Variants in SCARA3 observed in about 807,000 individuals in gnomAD.
SCARA3 encodes the protein cellular stress response gene protein.
A neutral mutation model predicts 47.0 loss-of-function variants in SCARA3; 39 were observed. That is an observed-to-expected ratio of 0.83 (90% CI 0.64 to 1.08). The LOEUF (loss-of-function observed/expected upper bound fraction) is 1.08. Among genes scored for constraint, SCARA3 ranks in the 50% least tolerant of loss-of-function variants. SCARA3 has a pLI of 0.00. For synonymous variants in SCARA3, 356 were observed against 334.1 expected (o/e 1.07, Z -0.71); for missense variants, 724 against 792.3 (o/e 0.91, Z 1.04).
chr8:27,727,758 T>C, the SCARA3 span, among the ~76,000 whole-genome samples: 1 of 152,210 alleles, frequency 6.6e-6, no homozygotes, highest in African/African-American at 2.4e-5. Flanking sequence ...TGTAATGTTA[T>C]GTTACCGGGT....
the SCARA3 span, among the ~76,000 whole-genome samples, chr8:27,684,936 AAAG>A: frequency 2.0e-5 from 3 of 152,148 alleles, no homozygotes; most frequent in African/African-American, 4.8e-5. Context: ...AAAAAAGTTT[AAAG>A]AAGTGTACCA....
At chr8:27,642,419 C>T (rs1801401925) in intron 1 of SCARA3, among the ~76,000 whole-genome samples, 1 of 152,144 alleles carries the variant, frequency 6.6e-6, no homozygotes, top group South Asian at 2.1e-4. Flanking sequence ...CGGACGATCT[C>T]CCCACCATTT....
chr8:27,694,004 G>C, the SCARA3 span, among the ~76,000 whole-genome samples: 1 of 152,194 alleles, frequency 6.6e-6, no homozygotes, highest in Admixed American at 6.5e-5. Flanking sequence ...TTGGGCACAA[G>C]TCATCAGGAC....
intron 5 of SCARA3, among the ~76,000 whole-genome samples, chr8:27,664,783 A>G (rs1001271333): frequency 6.6e-6 from 1 of 152,042 alleles, no homozygotes; most frequent in African/African-American, 2.4e-5. Context: ...TCATGTGTGG[A>G]GTTCCATGAC....
At chr8:27,698,414 T>C in the SCARA3 span, among the ~76,000 whole-genome samples, 1 of 152,218 alleles carries the variant, frequency 6.6e-6, no homozygotes, top group Admixed American at 6.5e-5. Context: ...GGATAGCTAA[T>C]TGCAAATTTA....
At chr8:27,662,071 GT>G (rs1801924499) in intron 5 of SCARA3, among the ~76,000 whole-genome samples, 1 of 152,154 alleles carries the variant, frequency 6.6e-6, no homozygotes, top group African/African-American at 2.4e-5. Flanking sequence ...TGGAATCACA[GT>G]TGTGTCTCCT....
the SCARA3 span, among the ~76,000 whole-genome samples, chr8:27,715,824 TGATAGATAGATAGATAGATA>T: frequency 7.6e-5 from 9 of 118,960 alleles, no homozygotes; most frequent in South Asian, 3.6e-4. This position sits in a 1 kb window ranked among gnomAD's most constrained non-coding sequence, Gnocchi z 4.2. Flanking sequence ...GATAGATAGA[TGATAGATAGATAGATAGATA>T]GATAGATAGA....
At chr8:27,670,235 C>T (rs1330876175) in intron 5 of SCARA3, among the ~76,000 whole-genome samples, 2 of 152,172 alleles carry the variant, frequency 1.3e-5, no homozygotes, top group South Asian at 4.1e-4. Context: ...AGCCGTGGCT[C>T]CTGCCATCTT....
chr8:27,710,914 G>GTTTT, the SCARA3 span, among the ~76,000 whole-genome samples: 7 of 126,390 alleles, frequency 5.5e-5, no homozygotes, highest in African/African-American at 2.2e-4. Context: ...TCTCATAGGT[G>GTTTT]ATTTTTTTTT....
At chr8:27,678,926 G>A (rs1179214261), downstream of SCARA3, among the ~76,000 whole-genome samples, 4 of 152,088 alleles carry the variant, frequency 2.6e-5, no homozygotes, top group African/African-American at 4.8e-5. Context: ...GGTGGCTCAC[G>A]CCTGTAATCC....
intron 4 of SCARA3, among the ~76,000 whole-genome samples, chr8:27,657,530 T>C (rs1801768603): frequency 7.5e-6 from 1 of 134,056 alleles, no homozygotes; most frequent in Admixed American, 8.1e-5. Context: ...TATGTCTACA[T>C]GTATTCAACC....
intron 5 of SCARA3, among the ~76,000 whole-genome samples, chr8:27,659,880 G>A (rs112504843): frequency 1.2e-3 from 87 of 70,072 alleles, no homozygotes; most frequent in African/African-American, 1.8e-3. Context: ...AAAAAAAAGA[G>A]AGAGAGAGAG....
chr8:27,718,638 A>AG, the SCARA3 span, among the ~76,000 whole-genome samples: 3 of 152,242 alleles, frequency 2.0e-5, no homozygotes, highest in East Asian at 5.8e-4. Context: ...GGAATAATTC[A>AG]TTCAGGCCAC....
chr8:27,733,864 C>A, the SCARA3 span: 2 of 152,170 alleles, frequency 1.3e-5, no homozygotes, highest in South Asian at 4.1e-4. Flanking sequence ...CAGACAGATG[C>A]AGCAGCGGGA....
At chr8:27,673,801 T>C (rs1802219232), downstream of SCARA3, among the ~76,000 whole-genome samples, 1 of 152,206 alleles carries the variant, frequency 6.6e-6, no homozygotes, top group Admixed American at 6.5e-5. Flanking sequence ...GTGTGCTCTG[T>C]GCTCCTCTGC....
the SCARA3 span, among the ~76,000 whole-genome samples, chr8:27,713,569 T>C: frequency 2.0e-5 from 3 of 152,202 alleles, no homozygotes; most frequent in African/African-American, 7.2e-5. Context: ...TTATAATCCA[T>C]TGGGATCCTT....
chr8:27,680,549 A>T (rs957880039), downstream of SCARA3, among the ~76,000 whole-genome samples: 1 of 152,152 alleles, frequency 6.6e-6, no homozygotes, highest in East Asian at 1.9e-4. Context: ...TTGAATTCAT[A>T]GTTTAAAATT....
chr8:27,673,649 A>G (rs1802217043), downstream of SCARA3, among the ~76,000 whole-genome samples: 1 of 152,194 alleles, frequency 6.6e-6, no homozygotes. Flanking sequence ...CGCTTCCTCT[A>G]TAGTGAGTAG....
chr8:27,719,187 T>C, the SCARA3 span, among the ~76,000 whole-genome samples: 1 of 152,124 alleles, frequency 6.6e-6, no homozygotes, highest in Non-Finnish European at 1.5e-5. Context: ...AAGAATGGAA[T>C]ATTACACAGA....
Sources: allele counts gnomAD v4.1 joint callset (sites outside exome capture counted in the v4.1 genomes callset), GRCh38; gene constraint gnomAD v4.1.1; non-coding constraint Gnocchi (gnomAD v3.1); transcripts MANE v1.5; gene names NCBI Gene and HGNC (gene_info 2026-07-23, HGNC 2026-07-21).